Variants in ADGRV1 observed in about 807,000 individuals in gnomAD.
ADGRV1 encodes G-protein coupled receptor 98.
ADGRV1 carries 359 observed loss-of-function variants against 596.2 expected under a neutral mutation model. The observed-to-expected ratio is 0.60, with a 90% CI of 0.55 to 0.66. ADGRV1 has a LOEUF of 0.66. Among genes scored for constraint, ADGRV1 ranks in the 30% least tolerant of loss-of-function variants. The pLI is 0.00. For synonymous variants in ADGRV1, 2,681 were observed against 2,679.2 expected (o/e 1.00, Z -0.02); for missense variants, 7,274 against 7,575.6 (o/e 0.96, Z 1.48).
intron 74 of ADGRV1, among the ~76,000 whole-genome samples, chr5:90,813,913 C>G (rs1409656785): frequency 6.6e-6 from 1 of 152,110 alleles, no homozygotes; most frequent in Non-Finnish European, 1.5e-5. Flanking sequence ...CATTACAAGT[C>G]TGGAATCATT....
At chr5:90,657,548 A>T (rs975735786) in intron 20 of ADGRV1, among the ~76,000 whole-genome samples, 1 of 152,114 alleles carries the variant, frequency 6.6e-6, no homozygotes, top group Admixed American at 6.5e-5. Flanking sequence ...TTCTATCCAA[A>T]TACGTGCACA....
intron 33 of ADGRV1, among the ~76,000 whole-genome samples, chr5:90,695,572 C>T (rs977906): frequency 6.6e-6 from 1 of 151,892 alleles, no homozygotes; most frequent in Admixed American, 6.6e-5. Context: ...AACTTTGTTC[C>T]TAATTCTATA....
intron 85 of ADGRV1, among the ~76,000 whole-genome samples, chr5:91,027,145 A>G (rs1360533956): frequency 2.8e-4 from 2 of 7,034 alleles, no homozygotes; most frequent in East Asian, 3.8e-3. Context: ...CAGTCTCAAA[A>G]CACACACACA....
intron 83 of ADGRV1, 126 bp from the exon 84 acceptor site, chr5:90,965,289 A>G: frequency 1.5e-6 from 1 of 650,086 alleles, no homozygotes; most frequent in Non-Finnish European, 2.8e-6. Flanking sequence ...CAGTTTGGGC[A>G]AGAAGTCAAC....
intron 50 of ADGRV1, among the ~76,000 whole-genome samples, chr5:90,736,478 G>T (rs1183603411): frequency 6.6e-6 from 1 of 151,862 alleles, no homozygotes; most frequent in Non-Finnish European, 1.5e-5. Flanking sequence ...GATAATGCTG[G>T]CCATGTAAAA....
rs538502827 is a variant in ADGRV1, at chr5:90,643,686, A to G, written c.2554-117A>G. On this transcript the variant is annotated intron_variant, in intron 13 of 89. Transcript: ENST00000405460. ...ATGATACCACCTCTTTTGTCCTTTC[A>G]GTGAGTTATATGCTTCTGAAACTTT... is the stretch of plus-strand genomic sequence containing the variant. The G allele has an allele frequency of 1.6e-5, 11 of 690,740 alleles. No individual in the cohort carries two copies. In the Admixed American group the frequency reaches 2.0e-4, roughly 12 times the overall value. The allele number at this position is 690,740 out of a possible 1,614,324, so 42.8% of individuals were successfully genotyped here. A position where few individuals can be genotyped will look rare whatever the true frequency, so the allele number is the denominator to read the frequency against.
At chr5:91,132,810 T>C (rs2950859) in intron 87 of ADGRV1, among the ~76,000 whole-genome samples, 151,616 of 152,318 alleles carry the variant, frequency 1, 75,504 homozygotes, top group Middle Eastern at 1. Flanking sequence ...AGTTAATGAA[T>C]GTGCAAAGGC....
At chr5:90,774,050 G>C in intron 59 of ADGRV1, 136 bp from the exon 60 acceptor site, 1 of 412,666 alleles carries the variant, frequency 2.4e-6, no homozygotes, top group Non-Finnish European at 4.4e-6. Context: ...CTTTCTAGCT[G>C]CAACTCGTAA....
At chr5:91,071,588 G>A (rs532641296) in intron 85 of ADGRV1, among the ~76,000 whole-genome samples, 1 of 152,290 alleles carries the variant, frequency 6.6e-6, no homozygotes, top group Non-Finnish European at 1.5e-5. Context: ...TTTACTAAAT[G>A]CTGTATGTGA....
intron 85 of ADGRV1, among the ~76,000 whole-genome samples, chr5:91,011,039 T>C (rs1782678744): frequency 6.6e-6 from 1 of 151,960 alleles, no homozygotes; most frequent in African/African-American, 2.4e-5. Flanking sequence ...TATGGAACAA[T>C]ATACGTCAAT....
intron 1 of ADGRV1, among the ~76,000 whole-genome samples, chr5:90,595,091 G>C (rs1467040382): frequency 1.5e-5 from 2 of 136,730 alleles, no homozygotes; most frequent in African/African-American, 6.0e-5. Flanking sequence ...CCTCCCGGAC[G>C]GGGCAGCTGG....
intron 76 of ADGRV1, 83 bp from the exon 77 acceptor site, chr5:90,828,861 A>T: frequency 1.2e-6 from 1 of 807,188 alleles, no homozygotes; most frequent in Non-Finnish European, 1.8e-6. Flanking sequence ...TATATGAATT[A>T]TACAATATTT....
intron 85 of ADGRV1, among the ~76,000 whole-genome samples, chr5:91,032,493 T>C (rs988789163): frequency 6.6e-6 from 1 of 152,080 alleles, no homozygotes; most frequent in Non-Finnish European, 1.5e-5. Flanking sequence ...ATTTCACCAA[T>C]ATTGGCTTAT....
intron 85 of ADGRV1, among the ~76,000 whole-genome samples, chr5:91,035,861 T>TAATATATA: frequency 6.2e-5 from 6 of 96,396 alleles, no homozygotes; most frequent in Non-Finnish European, 8.7e-5. Flanking sequence ...TATATATATA[T>TAATATATA]TATATATATA....
intron 85 of ADGRV1, among the ~76,000 whole-genome samples, chr5:91,023,450 G>A (rs1157816809): frequency 6.6e-6 from 1 of 152,114 alleles, no homozygotes; most frequent in Non-Finnish European, 1.5e-5. Flanking sequence ...AGATAAAGTT[G>A]TTGCTGTATA....
At chr5:90,737,586 A>G (rs921861820) in intron 50 of ADGRV1, among the ~76,000 whole-genome samples, 4 of 151,872 alleles carry the variant, frequency 2.6e-5, no homozygotes, top group African/African-American at 9.7e-5. Flanking sequence ...TCACTTAATA[A>G]TTGCTTTATT....
intron 83 of ADGRV1, among the ~76,000 whole-genome samples, chr5:90,947,602 G>T (rs904991806): frequency 6.6e-6 from 1 of 151,806 alleles, no homozygotes; most frequent in Non-Finnish European, 1.5e-5. Context: ...ATGGATGAAA[G>T]TGGGGATATA....
chr5:90,911,760 T>C (rs1382585326), intron 83 of ADGRV1, among the ~76,000 whole-genome samples: 7 of 152,184 alleles, frequency 4.6e-5, no homozygotes, highest in African/African-American at 7.2e-5. Flanking sequence ...TCTTTCTGCA[T>C]CTTTAGAAGA....
chr5:90,971,418 ATGAAGG>A (rs1006707879), intron 84 of ADGRV1, among the ~76,000 whole-genome samples: 33 of 142,232 alleles, frequency 2.3e-4, no homozygotes, highest in African/African-American at 8.3e-4. Context: ...CAAAGATGAG[ATGAAGG>A]AAAAAATGTT....
Sources: gnomAD v4.1 joint callset for allele counts (sites outside exome capture counted in the v4.1 genomes callset) on GRCh38, gnomAD v4.1.1 for gene constraint, MANE v1.5 for transcripts, NCBI Gene and HGNC (gene_info 2026-07-23, HGNC 2026-07-21) for gene names.